PRPF18: variants seen among roughly 807,000 people sequenced by gnomAD.
PRPF18 encodes pre-mRNA processing factor 18.
In PRPF18, 38 loss-of-function variants were observed where a neutral mutation model predicts 46.5. The observed-to-expected ratio is 0.82, with a 90% CI of 0.63 to 1.07. The LOEUF is 1.07. PRPF18 is among the 50% of genes least tolerant of loss of function. The probability of loss-of-function intolerance (pLI) is 0.00; values close to 1 mark genes in which losing one functional copy is unlikely to be tolerated. For missense variants in PRPF18, 263 were observed against 410.0 expected (o/e 0.64, Z 3.10); for synonymous variants, 152 against 146.7 (o/e 1.04, Z -0.26).
At chr10:13,603,936 G>A (rs909748835) in intron 3 of PRPF18, among the ~76,000 whole-genome samples, 4 of 152,172 alleles carry the variant, frequency 2.6e-5, no homozygotes, top group African/African-American at 7.2e-5. Context: ...TCCAATGAAA[G>A]TAGCTCTGAT....
At chr10:13,621,046 A>T (rs1035269167) in intron 9 of PRPF18, among the ~76,000 whole-genome samples, 14 of 152,220 alleles carry the variant, frequency 9.2e-5, no homozygotes, top group South Asian at 2.1e-4. Flanking sequence ...TCTTTTACAT[A>T]TATTATAGGA....
At chr10:13,624,990 A>G (rs2080479048) in intron 9 of PRPF18, among the ~76,000 whole-genome samples, 1 of 152,238 alleles carries the variant, frequency 6.6e-6, no homozygotes, top group Non-Finnish European at 1.5e-5. Context: ...AGACCTTCAT[A>G]GAAACAGAAT....
chr10:13,637,182 A>G, the PRPF18 span: 1 of 152,212 alleles, frequency 6.6e-6, no homozygotes, highest in East Asian at 1.9e-4. Flanking sequence ...AAGAATATAT[A>G]CCAAGGTATG....
rs369864941 is a variant in PRPF18 at position 13,600,382 on chromosome 10, G to A, written c.249+34G>A. The A allele has an allele frequency of 1.3e-3, 1,926 of 1,476,694 alleles. 2 individuals carry two copies. The highest frequency in any genetic ancestry group is 2.4e-3 in the Middle Eastern group (14 of 5,760). 91.5% of individuals were successfully genotyped at this position (1,476,694 alleles called of 1,614,324 possible). Reference sequence around the variant, plus strand: ...ATTTGTGATGGTTTCATGAGAATAAGATCTCCACGGTGTTTACATTTATCT... The same window carrying A: ...ATTTGTGATGGTTTCATGAGAATAAAATCTCCACGGTGTTTACATTTATCT... On this transcript the variant is annotated intron_variant, in intron 3 of 9. Transcript: ENST00000378572.
At chr10:13,638,795 C>T in the PRPF18 span, 2 of 152,102 alleles carry the variant, frequency 1.3e-5, no homozygotes, top group Non-Finnish European at 2.9e-5. Context: ...CCAAAAACAC[C>T]CTCACAGATA....
At chr10:13,651,079 G>C in the PRPF18 span, 1 of 152,264 alleles carries the variant, frequency 6.6e-6, no homozygotes, top group South Asian at 2.1e-4. Context: ...AACCAGACCA[G>C]GTGGTACTGT....
At chr10:13,619,685 T>G (rs1168456891) in intron 9 of PRPF18, among the ~76,000 whole-genome samples, 1 of 152,136 alleles carries the variant, frequency 6.6e-6, no homozygotes, top group Non-Finnish European at 1.5e-5. Context: ...TTCTCACCTG[T>G]GCTGTAAGAG....
intron 9 of PRPF18, among the ~76,000 whole-genome samples, chr10:13,618,089 C>G (rs1357531914): frequency 6.6e-6 from 1 of 152,084 alleles, no homozygotes; most frequent in East Asian, 1.9e-4. Flanking sequence ...CCTGTCGAAC[C>G]TTTTAATGAC....
At chr10:13,593,144 C>A (rs1344435041) in intron 1 of PRPF18, among the ~76,000 whole-genome samples, 2 of 152,088 alleles carry the variant, frequency 1.3e-5, no homozygotes, top group Non-Finnish European at 2.9e-5. Flanking sequence ...ATGGCAGGAA[C>A]CAACATGGGA....
At position 13,611,698 on chromosome 10, in the gene PRPF18, C is replaced by A; in HGVS notation, c.579+15C>A. 6.2e-7 allele frequency: 1 copy of A among 1,609,134 alleles called. No individual in the cohort carries two copies. On this transcript the variant is annotated intron_variant, in intron 6 of 9. Transcript: ENST00000378572. The stretch of plus-strand genomic sequence containing the variant: ...AATTCCTGAAGGTGCGTGTCTTAGG[C>A]GAGGGGATGAGGATGCCTTGGATCC...
chr10:13,612,459 T>A (rs142497188), intron 6 of PRPF18, among the ~76,000 whole-genome samples: 118 of 151,526 alleles, frequency 7.8e-4, no homozygotes, highest in African/African-American at 2.4e-3. Context: ...TTATTTATTT[T>A]TTTAGTAAAG....
the PRPF18 span, chr10:13,651,688 C>T: frequency 1.4e-5 from 8 of 566,916 alleles, no homozygotes; most frequent in Admixed American, 6.2e-5. Flanking sequence ...AAAACATACT[C>T]TGGGGGTCTT....
chr10:13,640,513 G>A, the PRPF18 span: 1 of 152,202 alleles, frequency 6.6e-6, no homozygotes, highest in African/African-American at 2.4e-5. Flanking sequence ...GGATAGCTGC[G>A]AGATTAGGGG....
At chr10:13,637,610 G>A in the PRPF18 span, among the ~76,000 whole-genome samples, 1 of 152,082 alleles carries the variant, frequency 6.6e-6, no homozygotes, top group Non-Finnish European at 1.5e-5. Flanking sequence ...CTCCCACTTG[G>A]TGGCCACCCT....
chr10:13,596,097 G>T (rs969958852), intron 1 of PRPF18, among the ~76,000 whole-genome samples: 3 of 152,142 alleles, frequency 2.0e-5, no homozygotes, highest in South Asian at 2.1e-4. Context: ...TTCAATCCTT[G>T]CATTTGCTTA....
chr10:13,612,562 G>T (rs1264364761), intron 6 of PRPF18, among the ~76,000 whole-genome samples: 1 of 151,044 alleles, frequency 6.6e-6, no homozygotes, highest in Non-Finnish European at 1.5e-5. Context: ...TGGGATTATA[G>T]GCATGAGCCA....
intron 7 of PRPF18, 21 bp downstream of exon 7, chr10:13,613,902 CT>C: frequency 6.3e-7 from 1 of 1,593,254 alleles, no homozygotes; most frequent in Non-Finnish European, 8.5e-7. Context: ...TTGGAAAATA[CT>C]TTTTTTAACT....
At chr10:13,654,433 G>A in the PRPF18 span, 2 of 1,609,612 alleles carry the variant, frequency 1.2e-6, no homozygotes, top group Non-Finnish European at 1.7e-6. Context: ...GCCAGGTTAG[G>A]ATGTGGTGGG....
chr10:13,638,299 C>CTTT, the PRPF18 span, among the ~76,000 whole-genome samples: 5 of 125,038 alleles, frequency 4.0e-5, no homozygotes, highest in Admixed American at 1.6e-4. Flanking sequence ...CTTGGCTTTT[C>CTTT]TTTTTTTTTT....
Sources: allele counts gnomAD v4.1 joint callset (sites outside exome capture counted in the v4.1 genomes callset), GRCh38; gene constraint gnomAD v4.1.1; transcripts MANE v1.5; gene names NCBI Gene and HGNC (gene_info 2026-07-23, HGNC 2026-07-21).